The following KLHL35 variants were observed in gnomAD, a reference collection of about 807,000 sequenced individuals.
The protein encoded by KLHL35 is kelch like family member 35.
Under a neutral mutation model 44.0 loss-of-function variants are expected in KLHL35, and 50 were observed. The observed-to-expected ratio is 1.14, with a 90% CI of 0.91 to 1.44. The LOEUF is 1.44. Ranked by LOEUF, KLHL35 falls within the 40% of genes most tolerant of loss-of-function variation. KLHL35 has a pLI of 0.00. For missense variants in KLHL35, 1,049 were observed against 887.8 expected (o/e 1.18, Z -2.31); for synonymous variants, 470 against 410.4 (o/e 1.15, Z -1.76).
chr11:75,428,106 CAGCATTGT>C (rs1183739163), intron 3 of KLHL35, among the ~76,000 whole-genome samples: 6 of 152,200 alleles, frequency 3.9e-5, no homozygotes, highest in Non-Finnish European at 7.3e-5. Flanking sequence ...ATCTGTAAAA[CAGCATTGT>C]AGGGGGATTT....
chr11:75,425,361 A>G, intron 5 of KLHL35, 32 bp downstream of exon 5: 1 of 1,507,858 alleles, frequency 6.6e-7, no homozygotes, highest in Non-Finnish European at 8.8e-7. Context: ...CCCAGCCTTC[A>G]ACGCCCTCTC....
chr11:75,429,292 T>C (rs1322531020), intron 2 of KLHL35, among the ~76,000 whole-genome samples: 1 of 152,216 alleles, frequency 6.6e-6, no homozygotes, highest in Non-Finnish European at 1.5e-5. Context: ...TGCTTAGTGT[T>C]AGAGAGAGTG....
chr11:75,429,842 T>C lies in KLHL35; in HGVS notation c.788A>G (p.Gln263Arg). The change falls in exon 2 of 7, where the codon CAG becomes CGG. Residue 263 changes from glutamine to arginine, a missense_variant. Transcript: ENST00000539798. Reference protein sequence around the residue: ...LEKVEADELLQACGECRPLLL... With the variant: ...LEKVEADELLRACGECRPLLL... ...CAGCGGGCGGCACTCGCCGCAGGCC[T>C]GCAGCAGCTCGTCCGCCTCCACCTT... 3.3e-6 allele frequency: 5 copies of C among 1,512,898 alleles called. No homozygotes were observed. Among genetic ancestry groups the C allele is most frequent in the Non-Finnish European group, 4.4e-6 (5 of 1,138,864 alleles). The allele number at this position is 1,512,898 out of a possible 1,614,324, so 93.7% of individuals were successfully genotyped here. A position where few individuals can be genotyped will look rare whatever the true frequency, so the allele number is the denominator to read the frequency against.
chr11:75,422,476 A>C lies in KLHL35; in HGVS notation c.*104T>G. 1 of 1,030,156 alleles carries C rather than the reference A, an allele frequency of 9.7e-7. No individual in the cohort carries two copies. Among genetic ancestry groups the C allele is most frequent in the Non-Finnish European group, 1.4e-6 (1 of 706,820 alleles). The allele number at this position is 1,030,156 out of a possible 1,614,324, so 63.8% of individuals were successfully genotyped here. A position where few individuals can be genotyped will look rare whatever the true frequency, so the allele number is the denominator to read the frequency against. ...TTTTATTTATACAAGAAAAGGGACC[A>C]TTAAGTTAAGGGCTGTTTGCGTGGA... On this transcript the variant is annotated 3_prime_UTR_variant, in exon 7 of 7. Coordinates refer to ENST00000539798, the MANE Select transcript of KLHL35 (RefSeq NM_001039548.3).
chr11:75,424,184 C>A lies in KLHL35; in HGVS notation c.1375-304G>T, dbSNP rs1948472822. 12 of 346,428 alleles carry A rather than the reference C, an allele frequency of 3.5e-5. No individual in the cohort carries two copies. The South Asian group carries it at 5.5e-4, about 16-fold the overall frequency. The allele number at this position is 346,428 out of a possible 1,614,324, so 21.5% of individuals were successfully genotyped here. A position where few individuals can be genotyped will look rare whatever the true frequency, so the allele number is the denominator to read the frequency against. Reference sequence around the variant, plus strand: ...TTAAAGGTCTCCCTGGTGTTCCCCCCTCCCCTCACCCCTCAACACACACAC... The same window carrying A: ...TTAAAGGTCTCCCTGGTGTTCCCCCATCCCCTCACCCCTCAACACACACAC... On this transcript the variant is annotated intron_variant, in intron 5 of 6. Coordinates refer to ENST00000539798, the MANE Select transcript of KLHL35 (RefSeq NM_001039548.3).
intron 2 of KLHL35, 112 bp downstream of exon 2, chr11:75,429,637 G>T: frequency 7.8e-7 from 1 of 1,283,576 alleles, no homozygotes; most frequent in Non-Finnish European, 1.0e-6. Context: ...AATGTTGAAC[G>T]AATGACTGAA....
At chr11:75,426,669 G>A (rs372509225) in intron 3 of KLHL35, 31 bp from the exon 4 acceptor site, 143 of 1,469,526 alleles carry the variant, frequency 9.7e-5, no homozygotes, top group Middle Eastern at 6.8e-4. Flanking sequence ...GTTGCCCATC[G>A]GCTCTCTTGC....
chr11:75,431,111 G>T (rs1443035181), intron 1 of KLHL35, among the ~76,000 whole-genome samples: 1 of 152,158 alleles, frequency 6.6e-6, no homozygotes, highest in Non-Finnish European at 1.5e-5. Context: ...CGTGACAGGA[G>T]CTGAAGCCCT....
Position 75,430,142 on chromosome 11 carries a change from G to C in KLHL35, c.488C>G (p.Ala163Gly). 8.0e-7 allele frequency: 1 copy of C among 1,253,024 alleles called. No individual in the cohort carries two copies. The allele number at this position is 1,253,024 out of a possible 1,614,324, so 77.6% of individuals were successfully genotyped here. A position where few individuals can be genotyped will look rare whatever the true frequency, so the allele number is the denominator to read the frequency against. Residue 163 changes from alanine to glycine, a missense_variant, in exon 2 of 7, where the codon GCC (alanine) becomes GGC (glycine). By Grantham distance (60) the Ala-to-Gly change is moderately conservative. Coordinates refer to ENST00000539798, the MANE Select transcript of KLHL35 (RefSeq NM_001039548.3). ...GGCCAGCGGGGCCAGCGAGAAGGCG[G>C]CGGCCACGCGGCGCAGCGCTAGGCT... ...ANSLALRRVA[A>G]AFSLAPLAER...
chr11:75,422,575 C>A lies in KLHL35; in HGVS notation c.*5G>T. On this transcript the variant is annotated 3_prime_UTR_variant, in exon 7 of 7. Transcript: ENST00000539798. ...GCCTCCTGGCTCAGGCTGTCCAAATCTGAATCACCTGCCCAAGCTCTGGAT... is the reference window on the plus strand; with the variant it reads ...GCCTCCTGGCTCAGGCTGTCCAAATATGAATCACCTGCCCAAGCTCTGGAT... 6.2e-7 allele frequency: 1 copy of A among 1,609,520 alleles called. No homozygotes were observed. The highest frequency in any genetic ancestry group is 8.5e-7 in the Non-Finnish European group (1 of 1,176,570).
chr11:75,430,247 G>A lies in KLHL35; in HGVS notation c.383C>T (p.Ala128Val). 8.3e-7 allele frequency: 1 copy of A among 1,211,586 alleles called. No individual in the cohort carries two copies. The highest frequency in any genetic ancestry group is 2.7e-5 in the South Asian group (1 of 37,454). 75.1% of individuals were successfully genotyped at this position (1,211,586 alleles called of 1,614,324 possible). Reference sequence around the variant, plus strand: ...CGCCACGCCCAGCCGCTCCGCCAGCGCCAGCACGGCCGCCGCCTCGTCCTC... The same window carrying A: ...CGCCACGCCCAGCCGCTCCGCCAGCACCAGCACGGCCGCCGCCTCGTCCTC... ...RAEDEAAAVLALAERLGVAGL... is the reference protein window; with the variant it reads ...RAEDEAAAVLVLAERLGVAGL... The change falls in exon 2 of 7, where the codon GCG (alanine) becomes GTG (valine). Residue 128 changes from alanine (A) to valine (V), a missense_variant. Physicochemically the swap from Ala to Val is moderately conservative, Grantham distance 64. Transcript: ENST00000539798.
In KLHL35 at chr11:75,430,473, GA is replaced by G. The variant is rs1213649497; in HGVS notation, c.156del (p.Pro53ArgfsTer35). The G allele has an allele frequency of 2.9e-6, 4 of 1,401,770 alleles. No homozygotes were observed. The highest frequency in any genetic ancestry group is 3.7e-6 in the Non-Finnish European group (4 of 1,081,616). 86.8% of individuals were successfully genotyped at this position (1,401,770 alleles called of 1,614,324 possible). ...DVVLRAGGRD[F>X]PCHRAALSAG... ...GCGCTGAGCGCCGCGCGGTGGCACGGAAAGTCGCGCCCGCCGGCGCGCAGCA... is the reference window on the plus strand; with the variant it reads ...GCGCTGAGCGCCGCGCGGTGGCACGGAAGTCGCGCCCGCCGGCGCGCAGCA... On this transcript the variant is annotated frameshift_variant, in exon 2 of 7. Coordinates refer to ENST00000539798, the MANE Select transcript of KLHL35 (RefSeq NM_001039548.3). LOFTEE classifies it high-confidence loss of function.
At chr11:75,426,410 G>T in intron 4 of KLHL35, 110 bp downstream of exon 4, 2 of 634,968 alleles carry the variant, frequency 3.1e-6, no homozygotes, top group Non-Finnish European at 5.3e-6. Context: ...TCCTTTTTTG[G>T]GGGGCTTCAG....
In KLHL35 at chr11:75,429,883, G is replaced by GGGCGCCAGTAGCGGCA. The variant is rs1361959854; in HGVS notation, c.731_746dup (p.Tyr251AlafsTer55). Reference sequence around the variant, plus strand: ...CCTCCACCTTCTCCAGGAAGTAAGCGGGCGCCAGTAGCGGCAGGCGCACGT... The same window carrying GGGCGCCAGTAGCGGCA: ...CCTCCACCTTCTCCAGGAAGTAAGCGGGCGCCAGTAGCGGCAGGCGCCAGTAGCGGCAGGCGCACGT... On this transcript the variant is annotated frameshift_variant, in exon 2 of 7. Coordinates refer to ENST00000539798, the MANE Select transcript of KLHL35 (RefSeq NM_001039548.3). LOFTEE classifies it high-confidence loss of function. 2 of 1,519,988 alleles carry GGGCGCCAGTAGCGGCA rather than the reference G, an allele frequency of 1.3e-6. No homozygotes were observed. Among genetic ancestry groups the GGGCGCCAGTAGCGGCA allele is most frequent in the African/African-American group, 2.9e-5 (2 of 69,290 alleles). 94.2% of individuals were successfully genotyped at this position (1,519,988 alleles called of 1,614,324 possible).
chr11:75,423,727 C>A lies in KLHL35; in HGVS notation c.1528G>T (p.Val510Leu). The change falls in exon 6 of 7, where the codon GTG (valine) becomes TTG (leucine). Residue 510 changes from valine (V) to leucine (L), a missense_variant. Transcript: ENST00000539798. ...GGGAGGACAGCTGCCTCCCCCCACACATCTGTGCCTGGATCATAGGTGAAG... is the reference window on the plus strand; with the variant it reads ...GGGAGGACAGCTGCCTCCCCCCACAAATCTGTGCCTGGATCATAGGTGAAG... ...KIFTYDPGTDVWGEAAVLPSP... is the reference protein window; with the variant it reads ...KIFTYDPGTDLWGEAAVLPSP... 5 of 1,613,880 alleles carry A rather than the reference C, an allele frequency of 3.1e-6. No individual in the cohort carries two copies. The highest frequency in any genetic ancestry group is 4.2e-6 in the Non-Finnish European group (5 of 1,179,854).
Position 75,430,246 on chromosome 11 carries a change from C to T in KLHL35, c.384G>A (p.Ala128=), listed in dbSNP as rs1214190076. Residue 128 remains alanine (A), a synonymous_variant, in exon 2 of 7, where the codon GCG becomes GCA. Coordinates refer to ENST00000539798, the MANE Select transcript of KLHL35 (RefSeq NM_001039548.3). ...CCGCCACGCCCAGCCGCTCCGCCAG[C>T]GCCAGCACGGCCGCCGCCTCGTCCT... ...RAEDEAAAVL[A]LAERLGVAGL... is the part of the protein sequence containing the mutation. The T allele has an allele frequency of 1.6e-5, 20 of 1,213,628 alleles. No individual in the cohort carries two copies. Among genetic ancestry groups the T allele is most frequent in the Non-Finnish European group, 1.8e-5 (18 of 974,734 alleles). The allele number at this position is 1,213,628 out of a possible 1,614,324, so 75.2% of individuals were successfully genotyped here.
rs1175528675 is a variant in KLHL35, at chr11:75,430,420, G to T, written c.210C>A (p.Phe70Leu). The change falls in exon 2 of 7, where the codon TTC becomes TTA. Residue 70 changes from phenylalanine (F) to leucine (L), a missense_variant. Transcript: ENST00000539798. ...SAGSAYFRSL[F>L]AAGRPERGPA... The stretch of plus-strand genomic sequence containing the variant: ...GGCCGCGCTCGGGCCGCCCGGCCGC[G>T]AACAAGCTGCGGAAGTAGGCGCTGC... 1 of 1,371,134 alleles carries T rather than the reference G, an allele frequency of 7.3e-7. No homozygotes were observed. Among genetic ancestry groups the T allele is most frequent in the South Asian group, 1.5e-5 (1 of 66,712 alleles). 84.9% of individuals were successfully genotyped at this position (1,371,134 alleles called of 1,614,324 possible). A position where few individuals can be genotyped will look rare whatever the true frequency, so the allele number is the denominator to read the frequency against.
At chr11:75,425,705 C>T (rs1025377478) in intron 4 of KLHL35, 124 bp from the exon 5 acceptor site, 2 of 895,360 alleles carry the variant, frequency 2.2e-6, no homozygotes, top group East Asian at 6.6e-5. Flanking sequence ...GTTTCAGGAC[C>T]AAACTGACCC....
chr11:75,423,614 A>G, intron 6 of KLHL35, 78 bp downstream of exon 6: 2 of 1,187,354 alleles, frequency 1.7e-6, no homozygotes, highest in South Asian at 1.4e-5. Flanking sequence ...CCTAGGATGG[A>G]GTCACAAGAT....
Sources: gnomAD v4.1 joint callset for allele counts (sites outside exome capture counted in the v4.1 genomes callset) on GRCh38, gnomAD v4.1.1 for gene constraint, MANE v1.5 for transcripts, NCBI Gene and HGNC (gene_info 2026-07-23, HGNC 2026-07-21) for gene names.